CLEC19A: variants seen among roughly 807,000 people sequenced by gnomAD.
The protein encoded by CLEC19A is C-type lectin domain family 19 member A.
In CLEC19A, 21 loss-of-function variants were observed where a neutral mutation model predicts 26.1. That is an observed-to-expected ratio of 0.80 (90% CI 0.57 to 1.16). The LOEUF (loss-of-function observed/expected upper bound fraction) is 1.16. CLEC19A is among the 50% of genes most tolerant of loss of function. CLEC19A has a pLI of 0.00. For synonymous variants in CLEC19A, 89 were observed against 88.6 expected (o/e 1.00, Z -0.03); for missense variants, 224 against 227.6 (o/e 0.98, Z 0.10).
chr16:19,303,082 A>G (rs544175249), intron 2 of CLEC19A, among the ~76,000 whole-genome samples: 3 of 152,332 alleles, frequency 2.0e-5, no homozygotes, highest in African/African-American at 7.2e-5. Context: ...AGGAATGGCT[A>G]TGGGATAGAC....
chr16:19,297,716 G>A (rs889843475), intron 1 of CLEC19A, among the ~76,000 whole-genome samples: 5 of 152,118 alleles, frequency 3.3e-5, no homozygotes, highest in African/African-American at 7.2e-5. Context: ...ATTTTTAGAA[G>A]TCAGAATATC....
chr16:19,290,941 T>C (rs1897571384), intron 1 of CLEC19A, among the ~76,000 whole-genome samples: 2 of 152,176 alleles, frequency 1.3e-5, no homozygotes, highest in African/African-American at 2.4e-5. Flanking sequence ...TGGGCTCAAG[T>C]GATGCTCCCT....
At chr16:19,303,912 G>A in intron 2 of CLEC19A, 150 bp from the exon 3 acceptor site, 1 of 620,496 alleles carries the variant, frequency 1.6e-6, no homozygotes, top group Non-Finnish European at 2.8e-6. Context: ...GCCACATATG[G>A]GTGACTTAAT....
chr16:19,310,682 C>G lies in CLEC19A; in HGVS notation c.*1599C>G, dbSNP rs1408742262. The stretch of plus-strand genomic sequence containing the variant: ...CTGAAAAACATTATGCTTCCAGTCA[C>G]AAAAGACCACATGTTGTATGATTCC... On this transcript the variant is annotated 3_prime_UTR_variant, in exon 5 of 5. Transcript: ENST00000636231. The G allele has an allele frequency of 6.6e-6, 1 of 152,106 alleles. No individual in the cohort carries two copies. The highest frequency in any genetic ancestry group is 1.5e-5 in the Non-Finnish European group (1 of 68,038). 9.4% of individuals were successfully genotyped at this position (152,106 alleles called of 1,614,324 possible). A position where few individuals can be genotyped will look rare whatever the true frequency, so the allele number is the denominator to read the frequency against.
intron 1 of CLEC19A, among the ~76,000 whole-genome samples, chr16:19,288,345 C>T (rs767973837): frequency 7.9e-5 from 12 of 152,016 alleles, no homozygotes; most frequent in Non-Finnish European, 1.0e-4. Flanking sequence ...CTGTGGGCCC[C>T]GGCCGACCAT....
chr16:19,292,655 G>A (rs1333566408), intron 1 of CLEC19A, among the ~76,000 whole-genome samples: 1 of 152,180 alleles, frequency 6.6e-6, no homozygotes, highest in Non-Finnish European at 1.5e-5. Context: ...GAATGTTGAG[G>A]TGCAAGGGGC....
intron 1 of CLEC19A, among the ~76,000 whole-genome samples, chr16:19,291,043 A>C (rs746237378): frequency 2.4e-4 from 36 of 152,088 alleles, no homozygotes; most frequent in Non-Finnish European, 1.3e-4. Context: ...GAATCTTGCT[A>C]TACTGCCCAG....
In CLEC19A at chr16:19,287,933, T is replaced by C. The variant is rs187391563; in HGVS notation, c.88+1994T>C. 2.9e-3 allele frequency among the ~76,000 whole-genome samples: 436 copies of C among 152,338 alleles called. 3 individuals are homozygous for C. Among genetic ancestry groups the C allele is most frequent in the African/African-American group, 9.9e-3 (411 of 41,570 alleles). ...AGACAGTTTTCTATTCTGACAAAAG[T>C]CTTCAACATTGAAAGGAACTTCTGA... On this transcript the variant is annotated intron_variant, in intron 1 of 4. Transcript: ENST00000636231.
At chr16:19,298,462 G>A (rs922783244) in intron 1 of CLEC19A, among the ~76,000 whole-genome samples, 1 of 152,070 alleles carries the variant, frequency 6.6e-6, no homozygotes, top group Non-Finnish European at 1.5e-5. Flanking sequence ...AGCTACTCAG[G>A]AGGCTGAGGT....
In CLEC19A at chr16:19,285,777, A is replaced by G; in HGVS notation, c.-75A>G. 2 of 1,339,912 alleles carry G rather than the reference A, an allele frequency of 1.5e-6. No homozygotes were observed. The highest frequency in any genetic ancestry group is 2.0e-5 in the Admixed American group (1 of 50,732). The allele number at this position is 1,339,912 out of a possible 1,614,324, so 83.0% of individuals were successfully genotyped here. On this transcript the variant is annotated 5_prime_UTR_variant, in exon 1 of 5. Coordinates refer to ENST00000636231, the MANE Select transcript of CLEC19A (RefSeq NM_001256720.2). ...GGCTCCATCTGACCCTAGGAGAGCA[A>G]TCCTGGACCCAAGCTCCAGCCAAAA...
rs2143011814 is a variant in CLEC19A, at chr16:19,309,930, C to T, written c.*847C>T. 6.6e-6 allele frequency: 1 copy of T among 152,212 alleles called. No homozygotes were observed. The highest frequency in any genetic ancestry group is 2.1e-4 in the South Asian group (1 of 4,820). 9.4% of individuals were successfully genotyped at this position (152,212 alleles called of 1,614,324 possible). On this transcript the variant is annotated 3_prime_UTR_variant, in exon 5 of 5. Transcript: ENST00000636231. ...AAGTACTGGGATTACAGGCATGAGCCACTGCGCCTAGCCAAGAATACATCT... is the reference window on the plus strand; with the variant it reads ...AAGTACTGGGATTACAGGCATGAGCTACTGCGCCTAGCCAAGAATACATCT...
intron 2 of CLEC19A, among the ~76,000 whole-genome samples, chr16:19,299,818 T>C (rs1897779461): frequency 6.6e-6 from 1 of 152,212 alleles, no homozygotes; most frequent in African/African-American, 2.4e-5. Context: ...ATGTGTTCCA[T>C]TGGCACCCAA....
intron 2 of CLEC19A, among the ~76,000 whole-genome samples, chr16:19,302,967 T>C (rs1446601674): frequency 1.3e-5 from 2 of 152,188 alleles, no homozygotes; most frequent in African/African-American, 2.4e-5. Flanking sequence ...GCCTTAAATC[T>C]AACTGGCCAT....
Position 19,303,729 on chromosome 16 carries a change from T to G in CLEC19A, c.255-333T>G, listed in dbSNP as rs550526083. ...TGGAAATTTTCATTTATTTATGTGATGTATGCAATGCAATGTAAACTCCTT... is the reference window on the plus strand; with the variant it reads ...TGGAAATTTTCATTTATTTATGTGAGGTATGCAATGCAATGTAAACTCCTT... On this transcript the variant is annotated intron_variant, in intron 2 of 4. Transcript: ENST00000636231. 3 of 189,458 alleles carry G rather than the reference T, an allele frequency of 1.6e-5. No homozygotes were observed. The South Asian group carries it at 4.3e-4, about 27-fold the overall frequency. The allele number at this position is 189,458 out of a possible 1,614,324, so 11.7% of individuals were successfully genotyped here.
chr16:19,286,434 A>T (rs1897471521), intron 1 of CLEC19A, among the ~76,000 whole-genome samples: 1 of 152,068 alleles, frequency 6.6e-6, no homozygotes, highest in South Asian at 2.1e-4. Flanking sequence ...AGGGAGGGAG[A>T]CTTGTCCCTC....
Position 19,304,117 on chromosome 16 carries a change from C to G in CLEC19A, c.310C>G (p.Pro104Ala), listed in dbSNP as rs1337578431. Reference sequence around the variant, plus strand: ...CGTGAACAGCTGTGTTCCCGGCATCCCAGCTGACGTCTGGACAGGCCTTCA... The same window carrying G: ...CGTGAACAGCTGTGTTCCCGGCATCGCAGCTGACGTCTGGACAGGCCTTCA... The part of the protein sequence containing the change: ...DLVNSCVPGI[P>A]ADVWTGLHDH... Residue 104 changes from proline (P) to alanine (A), a missense_variant, in exon 3 of 5, where the codon CCA (proline) becomes GCA (alanine). By Grantham distance (27) the Pro-to-Ala change is conservative. Coordinates refer to ENST00000636231, the MANE Select transcript of CLEC19A (RefSeq NM_001256720.2). The G allele has an allele frequency of 1.3e-6, 2 of 1,550,422 alleles. No homozygotes were observed. The highest frequency in any genetic ancestry group is 1.4e-5 in the African/African-American group (1 of 73,036).
chr16:19,293,531 C>T (rs1369369603), intron 1 of CLEC19A, among the ~76,000 whole-genome samples: 1 of 151,868 alleles, frequency 6.6e-6, no homozygotes, highest in Non-Finnish European at 1.5e-5. Context: ...GCTGCAATCC[C>T]AGCTCACTGA....
Position 19,302,572 on chromosome 16 carries a change from T to C in CLEC19A, c.255-1490T>C, listed in dbSNP as rs144220114. Among the ~76,000 whole-genome samples, 801 of 152,358 alleles carry C rather than the reference T, an allele frequency of 5.3e-3. 5 individuals are homozygous for C. Among genetic ancestry groups the C allele is most frequent in the South Asian group, 0.032 (153 of 4,828 alleles). On this transcript the variant is annotated intron_variant, in intron 2 of 4. Transcript: ENST00000636231. The stretch of plus-strand genomic sequence containing the variant: ...TATGGCTGATTATTATCATTCTGTA[T>C]TGATTTCTTTGACATACTAAAGTTC...
intron 1 of CLEC19A, among the ~76,000 whole-genome samples, chr16:19,293,466 T>G (rs909725434): frequency 6.6e-6 from 1 of 151,658 alleles, no homozygotes; most frequent in Non-Finnish European, 1.5e-5. Flanking sequence ...TTTTTAATTT[T>G]TTTTTTTTGT....
Sources: allele counts gnomAD v4.1 joint callset (sites outside exome capture counted in the v4.1 genomes callset), GRCh38; gene constraint gnomAD v4.1.1; transcripts MANE v1.5; gene names NCBI Gene and HGNC (gene_info 2026-07-23, HGNC 2026-07-21).